Variants in TTBK2 observed in about 807,000 individuals in gnomAD.
TTBK2 encodes the protein tau tubulin kinase 2, also known as tau-tubulin kinase 2.
Under a neutral mutation model 110.8 loss-of-function variants are expected in TTBK2, and 28 were observed. The observed-to-expected ratio is 0.25, with a 90% confidence interval of 0.19 to 0.35. TTBK2 has a LOEUF of 0.35. Among genes scored for constraint, TTBK2 ranks in the 10% least tolerant of loss-of-function variants. TTBK2 has a pLI of 1.00. For missense variants in TTBK2, 1,369 were observed against 1,500.3 expected, an observed-to-expected ratio of 0.91 and a Z score of 1.45; for synonymous variants, 532 against 527.3, an observed-to-expected ratio of 1.01 and a Z score of -0.12.
At chr15:42,855,642 A>G (rs1443463587) in intron 3 of TTBK2, among the ~76,000 whole-genome samples, 2 of 152,158 alleles carry the variant, frequency 1.3e-5, no homozygotes, top group African/African-American at 4.8e-5. Context: ...CGAAAAACAA[A>G]TCACTGGTCA....
At chr15:42,867,166 C>G (rs1182811027) in intron 3 of TTBK2, among the ~76,000 whole-genome samples, 1 of 151,128 alleles carries the variant, frequency 6.6e-6, no homozygotes, top group East Asian at 1.9e-4. Context: ...ATGGCGTGAA[C>G]CTGGGAGGCG....
At chr15:42,842,229 T>C (rs1424128930) in intron 3 of TTBK2, among the ~76,000 whole-genome samples, 7 of 151,214 alleles carry the variant, frequency 4.6e-5, no homozygotes, top group African/African-American at 1.7e-4. Context: ...TGAGCAAAAA[T>C]AAGAGTCCCT....
chr15:42,764,550 G>A (rs943796806), intron 13 of TTBK2, among the ~76,000 whole-genome samples: 2 of 152,258 alleles, frequency 1.3e-5, no homozygotes, highest in African/African-American at 2.4e-5. Flanking sequence ...AGCCTGGCAG[G>A]GGGAGGGGCG....
intron 1 of TTBK2, among the ~76,000 whole-genome samples, chr15:42,884,553 G>A (rs1376097561): frequency 1.3e-5 from 2 of 152,128 alleles, no homozygotes; most frequent in Non-Finnish European, 2.9e-5. Context: ...GGTGACTTTA[G>A]GAAACCTTTA....
chr15:42,899,446 A>T (rs2141185223), intron 1 of TTBK2, among the ~76,000 whole-genome samples: 1 of 146,236 alleles, frequency 6.8e-6, no homozygotes. Flanking sequence ...AAATACAAAA[A>T]TTAGCCAGGT....
At chr15:42,901,256 G>T (rs1329157486) in intron 1 of TTBK2, among the ~76,000 whole-genome samples, 1 of 151,950 alleles carries the variant, frequency 6.6e-6, no homozygotes, top group Admixed American at 6.6e-5. Context: ...CAGCTACTCG[G>T]AAGGCTGAGG....
At chr15:42,877,354 T>G (rs1354802337) in intron 2 of TTBK2, among the ~76,000 whole-genome samples, 2 of 152,184 alleles carry the variant, frequency 1.3e-5, no homozygotes, top group African/African-American at 4.8e-5. Flanking sequence ...ATCAAGCCTG[T>G]AGATACAACT....
rs374412910 is a variant in TTBK2, at chr15:42,753,080, A to G, written c.2166T>C (p.Pro722=). The G allele has an allele frequency of 2.5e-6, 4 of 1,608,494 alleles. No homozygotes were observed. The highest frequency in any genetic ancestry group is 3.4e-6 in the Non-Finnish European group (4 of 1,177,222). Residue 722 remains proline (P), a synonymous_variant, in exon 14 of 15, where the codon CCT becomes CCC. Coordinates refer to ENST00000267890, the MANE Select transcript of TTBK2 (RefSeq NM_173500.4). The part of the protein sequence containing the change: ...SGLVVTEGEP[P]SGGSRTDLGL... ...CCAAATCTGTTCTGCTTCCTCCACT[A>G]GGAGGTTCACCCTCTGTCACAACCA... is the stretch of plus-strand genomic sequence containing the variant.
intron 13 of TTBK2, among the ~76,000 whole-genome samples, chr15:42,769,125 G>C (rs547250162): frequency 6.6e-6 from 1 of 152,300 alleles, no homozygotes; most frequent in South Asian, 2.1e-4. Context: ...ATGGATTAAA[G>C]ACTTACATGT....
intron 1 of TTBK2, among the ~76,000 whole-genome samples, chr15:42,898,540 A>G (rs1006317922): frequency 6.6e-6 from 1 of 152,142 alleles, no homozygotes; most frequent in African/African-American, 2.4e-5. Flanking sequence ...AAAAGAAAAA[A>G]AAAGCATTGA....
chr15:42,870,494 A>C (rs1469696013), intron 3 of TTBK2, among the ~76,000 whole-genome samples: 2 of 152,070 alleles, frequency 1.3e-5, no homozygotes, highest in Non-Finnish European at 2.9e-5. Context: ...TTTTGAGAAG[A>C]GGAATTGGTC....
At chr15:42,895,796 G>A (rs1024558060) in intron 1 of TTBK2, among the ~76,000 whole-genome samples, 29 of 151,730 alleles carry the variant, frequency 1.9e-4, no homozygotes, top group African/African-American at 6.8e-4. Flanking sequence ...CTCAGCCTCC[G>A]AAAGTGCTGG....
Position 42,746,278 on chromosome 15 carries a change from ATATTTT to A in TTBK2, c.3273-27_3273-22del. 3 of 1,562,422 alleles carry A rather than the reference ATATTTT, an allele frequency of 1.9e-6. 1 individual carries two copies. The South Asian group carries it at 3.4e-5, about 18-fold the overall frequency. On this transcript the variant is annotated intron_variant, in intron 14 of 14. Coordinates refer to ENST00000267890, the MANE Select transcript of TTBK2 (RefSeq NM_173500.4). ...GTAGCCTTAAAAGAACAGAGAAAAT[ATATTTT>A]AATTTTAATTCATTTCAAGTGTGCC...
intron 13 of TTBK2, among the ~76,000 whole-genome samples, chr15:42,763,143 C>CATATATATATACACATATATAT (rs2062063829): frequency 2.0e-5 from 1 of 51,150 alleles, no homozygotes; most frequent in Non-Finnish European, 3.1e-5. Flanking sequence ...TATATACATA[C>CATATATATATACACATATATAT]ATATATATAT....
chr15:42,816,079 TAA>T (rs1363145796), intron 7 of TTBK2, among the ~76,000 whole-genome samples: 62 of 67,372 alleles, frequency 9.2e-4, no homozygotes, highest in Non-Finnish European at 1.2e-3. Flanking sequence ...TAAAAATAAA[TAA>T]ATAAATATAT....
At chr15:42,830,564 T>C (rs920514925) in intron 4 of TTBK2, among the ~76,000 whole-genome samples, 1 of 152,098 alleles carries the variant, frequency 6.6e-6, no homozygotes, top group Non-Finnish European at 1.5e-5. Flanking sequence ...TCAGACAAGT[T>C]TTAGAAAAAC....
At chr15:42,914,441 G>C (rs1665999464) in intron 1 of TTBK2, among the ~76,000 whole-genome samples, 1 of 152,104 alleles carries the variant, frequency 6.6e-6, no homozygotes, top group South Asian at 2.1e-4. Context: ...CCTCTTTCTT[G>C]TAACCATGGC....
intron 1 of TTBK2, among the ~76,000 whole-genome samples, chr15:42,909,742 A>G (rs1295938030): frequency 6.6e-6 from 1 of 152,242 alleles, no homozygotes; most frequent in Non-Finnish European, 1.5e-5. Context: ...GCCCTTTTAC[A>G]TAAAGTCCAA....
At chr15:42,873,324 C>T (rs1045385186) in intron 2 of TTBK2, among the ~76,000 whole-genome samples, 1 of 152,072 alleles carries the variant, frequency 6.6e-6, no homozygotes, top group Non-Finnish European at 1.5e-5. Flanking sequence ...ATCCCAGCTA[C>T]TTAGGAGGCT....
Sources: gnomAD v4.1 joint callset for allele counts (sites outside exome capture counted in the v4.1 genomes callset) on GRCh38, gnomAD v4.1.1 for gene constraint, MANE v1.5 for transcripts, NCBI Gene and HGNC (gene_info 2026-07-23, HGNC 2026-07-21) for gene names.